The following FAHD1 variants were observed in gnomAD, a reference collection of about 807,000 sequenced individuals.
FAHD1 encodes oxaloacetate tautomerase FAHD1, mitochondrial.
In FAHD1, 14 loss-of-function variants were observed where a neutral mutation model predicts 12.7. The ratio of observed to expected loss-of-function variants is 1.10; its 90% CI spans 0.73 to 1.72. FAHD1 has a LOEUF of 1.72. Among genes scored for constraint, FAHD1 ranks in the 40% most tolerant of loss-of-function variants. The probability of loss-of-function intolerance (pLI) is 0.00; values close to 1 mark genes in which losing one functional copy is unlikely to be tolerated. For synonymous variants in FAHD1, 153 were observed against 124.9 expected (o/e 1.22, Z -1.50); for missense variants, 351 against 298.9 (o/e 1.17, Z -1.29).
downstream of FAHD1, among the ~76,000 whole-genome samples, chr16:1,830,917 T>TACACACACACAC (rs1555470124): frequency 0.034 from 3,848 of 114,772 alleles, 55 homozygotes; most frequent in Non-Finnish European, 0.043. Flanking sequence ...TCTCTCTCTA[T>TACACACACACAC]ACACACACAC....
At chr16:1,829,070 A>G (rs540951453), downstream of FAHD1, among the ~76,000 whole-genome samples, 37 of 152,240 alleles carry the variant, frequency 2.4e-4, no homozygotes, top group South Asian at 5.4e-3. Context: ...GGAGATAAGG[A>G]GGCTTTGTGG....
chr16:1,837,671 G>C (rs1485688169), intron 1 of FAHD1: 1 of 569,734 alleles, frequency 1.8e-6, no homozygotes, highest in African/African-American at 1.9e-5. Flanking sequence ...TGCACATCTG[G>C]GAACTGGGCA....
chr16:1,835,856 CTTTTTCT>C (rs1898731283), intron 1 of FAHD1, among the ~76,000 whole-genome samples: 1 of 134,044 alleles, frequency 7.5e-6, no homozygotes, highest in South Asian at 3.1e-4. Flanking sequence ...CTTCCAATTC[CTTTTTCT>C]TTTTTTTTTT....
chr16:1,833,964 GAAAAT>G (rs1898671996), intron 1 of FAHD1: 1 of 239,806 alleles, frequency 4.2e-6, no homozygotes, highest in South Asian at 1.0e-4. Context: ...ACATGGAAAA[GAAAAT>G]AAATCATTCA....
At chr16:1,837,661 T>C (rs980426408) in intron 1 of FAHD1, 2 of 534,900 alleles carry the variant, frequency 3.7e-6, no homozygotes, top group South Asian at 3.8e-5. Flanking sequence ...TGAATCCTTA[T>C]GCACATCTGG....
chr16:1,834,203 T>C, intron 1 of FAHD1: 1 of 909,886 alleles, frequency 1.1e-6, no homozygotes, highest in East Asian at 2.5e-5. Context: ...TATTCCATTT[T>C]AAAGGGAGTT....
chr16:1,834,083 G>C (rs1344604660), intron 1 of FAHD1: 1 of 509,376 alleles, frequency 2.0e-6, no homozygotes, highest in Non-Finnish European at 3.5e-6. Context: ...AGGGAGGTCA[G>C]ATGAGAGAGG....
chr16:1,828,290 AAAAG>A, exon 1 of FAHD1: 3 of 1,004,524 alleles, frequency 3.0e-6, no homozygotes, highest in Non-Finnish European at 3.6e-6. Flanking sequence ...AAAAAAAAAA[AAAAG>A]AAACCATTTA....
intron 1 of FAHD1, chr16:1,834,222 T>C (rs760092071): frequency 8.6e-6 from 10 of 1,162,808 alleles, no homozygotes; most frequent in Non-Finnish European, 1.3e-5. Flanking sequence ...TTAAAACTCT[T>C]ATACTTTTCC....
chr16:1,827,767 A>G (rs755198562), exon 1 of FAHD1: 2 of 1,613,792 alleles, frequency 1.2e-6, no homozygotes, highest in African/African-American at 1.3e-5. Flanking sequence ...TTCTAAGATC[A>G]TAACCTTGGA....
chr16:1,834,394 A>G (rs750566787), intron 1 of FAHD1: 1 of 1,261,910 alleles, frequency 7.9e-7, no homozygotes, highest in Non-Finnish European at 1.1e-6. Context: ...AAAAGAGACA[A>G]AAGGTTAATT....
In FAHD1 at chr16:1,827,287, A is replaced by G. The variant is rs1192505599; in HGVS notation, c.49A>G (p.Ile17Val). ...CCGCTTCTGGGAGTGGGGAAAGAAC[A>G]TCGTCTGCGTGGGGAGGAACTACGC... Residue 17 changes from isoleucine to valine, a missense_variant, in exon 1 of 1, where the codon ATC (isoleucine) becomes GTC (valine). Transcript: ENST00000427358. The G allele has an allele frequency of 3.1e-6, 5 of 1,613,116 alleles. No individual in the cohort carries two copies. The highest frequency in any genetic ancestry group is 1.7e-5 in the Admixed American group (1 of 60,034).
In FAHD1 at chr16:1,837,569, G is replaced by T. The variant is rs934935103; in HGVS notation, c.628-447G>T. The T allele has an allele frequency of 1.4e-5, 5 of 353,152 alleles. No homozygotes were observed. The Admixed American group carries it at 1.7e-4, about 12-fold the overall frequency. 21.9% of individuals were successfully genotyped at this position (353,152 alleles called of 1,614,324 possible). On this transcript the variant is annotated intron_variant, in intron 1 of 2. Transcript: ENST00000382666. The stretch of plus-strand genomic sequence containing the variant: ...ACCTTAAAGGATATTTTCTTTGTTG[G>T]TCTATTTTCTTTGATGTCTTTGGTA...
At chr16:1,837,180 G>T (rs757804793) in intron 1 of FAHD1, among the ~76,000 whole-genome samples, 2 of 151,190 alleles carry the variant, frequency 1.3e-5, no homozygotes, top group Non-Finnish European at 3.0e-5. Context: ...GAGGATCATG[G>T]AATTTTGCAG....
chr16:1,834,678 A>G (rs1898691542), intron 1 of FAHD1, among the ~76,000 whole-genome samples: 1 of 152,372 alleles, frequency 6.6e-6, no homozygotes. Flanking sequence ...CACGCCTGTA[A>G]TCCCAGCACT....
At chr16:1,834,898 G>A (rs1316597208) in intron 1 of FAHD1, among the ~76,000 whole-genome samples, 2 of 151,652 alleles carry the variant, frequency 1.3e-5, no homozygotes, top group African/African-American at 4.8e-5. Context: ...TTGTGCCATT[G>A]CACTCCAGCT....
At chr16:1,834,896 T>C (rs957265066) in intron 1 of FAHD1, among the ~76,000 whole-genome samples, 3 of 151,712 alleles carry the variant, frequency 2.0e-5, no homozygotes, top group Non-Finnish European at 4.4e-5. Flanking sequence ...GATTGTGCCA[T>C]TGCACTCCAG....
downstream of FAHD1, among the ~76,000 whole-genome samples, chr16:1,832,846 G>C (rs1898648554): frequency 2.0e-5 from 3 of 152,026 alleles, no homozygotes; most frequent in Admixed American, 6.5e-5. Flanking sequence ...AGGATGGAAG[G>C]CCTGTTCTGC....
exon 1 of FAHD1, chr16:1,827,954 C>T (rs771634206): frequency 1.9e-6 from 3 of 1,578,358 alleles, no homozygotes; most frequent in Non-Finnish European, 2.6e-6. Context: ...CAAGAGCAAG[C>T]AACGGCTATT....
Sources: allele counts gnomAD v4.1 joint callset (sites outside exome capture counted in the v4.1 genomes callset), GRCh38; gene constraint gnomAD v4.1.1; transcripts MANE v1.5; gene names NCBI Gene and HGNC (gene_info 2026-07-23, HGNC 2026-07-21).